LOC400499: variants seen among roughly 807,000 people sequenced by gnomAD.
At chr16:11,392,850 TTTTG>T in the LOC400499 span, 3 of 941,734 alleles carry the variant, frequency 3.2e-6, no homozygotes, top group African/African-American at 4.0e-5. Flanking sequence ...GTTTTTTCGT[TTTTG>T]TTTTTGTTTT....
chr16:11,417,371 T>A, the LOC400499 span, among the ~76,000 whole-genome samples: 25,402 of 152,078 alleles, frequency 0.17, 2,326 homozygotes, highest in African/African-American at 0.25. Context: ...ACCACACACA[T>A]GCACCACCAC....
the LOC400499 span, chr16:11,425,549 T>G: frequency 2.5e-6 from 1 of 397,714 alleles, no homozygotes. Flanking sequence ...ATGTCGCACT[T>G]GTAACTCATG....
At chr16:11,460,826 C>T in the LOC400499 span, 1 of 1,263,722 alleles carries the variant, frequency 7.9e-7, no homozygotes, top group Non-Finnish European at 1.1e-6. Context: ...GGTATTCAGT[C>T]CTACTCAGAG....
the LOC400499 span, chr16:11,475,515 T>C: frequency 1.2e-4 from 47 of 396,130 alleles, no homozygotes; most frequent in African/African-American, 8.0e-4. Flanking sequence ...TTGCAGAATA[T>C]GAATACTTTT....
At chr16:11,516,128 T>A in the LOC400499 span, 6 of 399,606 alleles carry the variant, frequency 1.5e-5, no homozygotes, top group South Asian at 7.6e-4. Context: ...CCCCTTCCCA[T>A]CTCCTGGCCT....
At chr16:11,519,995 G>A in the LOC400499 span, among the ~76,000 whole-genome samples, 26 of 152,214 alleles carry the variant, frequency 1.7e-4, no homozygotes, top group Non-Finnish European at 2.6e-4. Context: ...GAGCCACCGC[G>A]CCCGGCCTAT....
chr16:11,408,513 A>T, the LOC400499 span, among the ~76,000 whole-genome samples: 1 of 143,238 alleles, frequency 7.0e-6, no homozygotes, highest in African/African-American at 2.6e-5. Flanking sequence ...TCCAGGCTAG[A>T]GTGTGCAGTG....
chr16:11,431,189 C>T, the LOC400499 span: 1 of 399,080 alleles, frequency 2.5e-6, no homozygotes, highest in South Asian at 1.3e-4. Flanking sequence ...AGCAACTGTG[C>T]TGTGTTCTGG....
At chr16:11,487,608 G>C in the LOC400499 span, among the ~76,000 whole-genome samples, 1 of 152,184 alleles carries the variant, frequency 6.6e-6, no homozygotes, top group Non-Finnish European at 1.5e-5. Context: ...GAGAGGAGGT[G>C]CCCAGAGCAC....
chr16:11,509,138 A>G, the LOC400499 span, among the ~76,000 whole-genome samples: 1 of 82,610 alleles, frequency 1.2e-5, no homozygotes, highest in African/African-American at 4.4e-5. Context: ...TTTTTTTTTG[A>G]GACGGAGTCG....
At chr16:11,390,231 G>A in the LOC400499 span, 1 of 1,232,436 alleles carries the variant, frequency 8.1e-7, no homozygotes, top group Non-Finnish European at 1.0e-6. Flanking sequence ...GTGAGAGCTG[G>A]CTCAGTCATC....
chr16:11,399,445 G>A, the LOC400499 span: 7 of 404,788 alleles, frequency 1.7e-5, no homozygotes, highest in African/African-American at 1.0e-4. Flanking sequence ...GGGGTTCCCT[G>A]CCCAGACGCT....
At chr16:11,520,806 G>C in the LOC400499 span, among the ~76,000 whole-genome samples, 1 of 151,214 alleles carries the variant, frequency 6.6e-6, no homozygotes, top group Admixed American at 6.6e-5. Context: ...AAAATTCCTT[G>C]TTTTGAAGAT....
chr16:11,459,987 T>C, the LOC400499 span: 2 of 1,512,586 alleles, frequency 1.3e-6, no homozygotes, highest in Non-Finnish European at 1.8e-6. Context: ...CTTGTCCCAG[T>C]GCTTCCCGTA....
chr16:11,385,553 T>C, the LOC400499 span: 1 of 516,486 alleles, frequency 1.9e-6, no homozygotes, highest in Non-Finnish European at 3.0e-6. Context: ...CCCCCTCCCC[T>C]GGCGCAGCAG....
chr16:11,504,677 C>T, the LOC400499 span, among the ~76,000 whole-genome samples: 1 of 152,202 alleles, frequency 6.6e-6, no homozygotes, highest in African/African-American at 2.4e-5. Flanking sequence ...AATGCCAGCA[C>T]TTTGGGAGGT....
the LOC400499 span, among the ~76,000 whole-genome samples, chr16:11,402,976 T>G: frequency 6.6e-6 from 1 of 151,988 alleles, no homozygotes; most frequent in Non-Finnish European, 1.5e-5. Flanking sequence ...CCATCTTGGA[T>G]GTGACAGGTG....
chr16:11,502,172 G>C, the LOC400499 span: 1 of 399,128 alleles, frequency 2.5e-6, no homozygotes. Flanking sequence ...TCAGGAACAA[G>C]TCCATGGCCT....
the LOC400499 span, among the ~76,000 whole-genome samples, chr16:11,468,615 C>T: frequency 6.6e-6 from 1 of 152,098 alleles, no homozygotes; most frequent in Non-Finnish European, 1.5e-5. Context: ...TACAAGCCGT[C>T]ATACCTGGCT....
Sources: gnomAD v4.1 joint callset for allele counts (sites outside exome capture counted in the v4.1 genomes callset) on GRCh38, gnomAD v4.1.1 for gene constraint, MANE v1.5 for transcripts.